The following PSD3 variants were observed in gnomAD, a reference collection of about 807,000 sequenced individuals.
PSD3 encodes the protein pleckstrin and Sec7 domain containing 3.
PSD3 carries 49 observed loss-of-function variants against 105.5 expected under a neutral mutation model. The observed-to-expected ratio is 0.46, with a 90% CI of 0.37 to 0.59. The LOEUF (loss-of-function observed/expected upper bound fraction) is 0.59. Ranked by LOEUF, PSD3 falls within the 20% of genes least tolerant of loss-of-function variation. PSD3 has a pLI of 0.00. For missense variants in PSD3, 1,561 were observed against 1,263.8 expected (o/e 1.24, Z -3.57); for synonymous variants, 557 against 457.8 (o/e 1.22, Z -2.77).
chr8:18,802,816 G>A lies in PSD3; in HGVS notation c.1911-1434C>T, dbSNP rs536484517. On this transcript the variant is annotated intron_variant, in intron 6 of 15. Coordinates refer to ENST00000327040, the MANE Select transcript of PSD3 (RefSeq NM_015310.4). Reference sequence around the variant, plus strand: ...ACTAGGTTTTACCTTCAGCTACTTAGAAACTTGTAATACAATATAATGTAA... The same window carrying A: ...ACTAGGTTTTACCTTCAGCTACTTAAAAACTTGTAATACAATATAATGTAA... 6.6e-5 allele frequency among the ~76,000 whole-genome samples: 10 copies of A among 152,278 alleles called. No homozygotes were observed. In the South Asian group the frequency reaches 1.7e-3, roughly 25 times the overall value.
At chr8:19,026,576 T>C (rs908095537) in intron 1 of PSD3, among the ~76,000 whole-genome samples, 4 of 151,640 alleles carry the variant, frequency 2.6e-5, no homozygotes, top group Non-Finnish European at 1.5e-5. Context: ...AAATATTCAC[T>C]AAAGGAGACC....
At chr8:18,916,270 G>A (rs1274058795) in intron 2 of PSD3, among the ~76,000 whole-genome samples, 1 of 121,646 alleles carries the variant, frequency 8.2e-6, no homozygotes, top group Non-Finnish European at 1.7e-5. Flanking sequence ...CAGTGTCTAT[G>A]GATTGCTGAA....
chr8:18,818,814 G>C (rs961653821), intron 4 of PSD3, among the ~76,000 whole-genome samples: 1 of 152,074 alleles, frequency 6.6e-6, no homozygotes, highest in East Asian at 1.9e-4. Context: ...TCTTATATTA[G>C]TGACAGTCAG....
chr8:18,952,090 T>G (rs1023599365), intron 1 of PSD3, among the ~76,000 whole-genome samples: 1 of 152,124 alleles, frequency 6.6e-6, no homozygotes, highest in East Asian at 1.9e-4. Flanking sequence ...TAAAGAATAA[T>G]GGGTGGATGC....
chr8:18,691,872 C>T (rs575633060), intron 9 of PSD3, among the ~76,000 whole-genome samples: 2 of 152,266 alleles, frequency 1.3e-5, no homozygotes, highest in Admixed American at 1.3e-4. Flanking sequence ...GTACATGACC[C>T]TAGGTGCATT....
chr8:19,003,562 G>T (rs1826510617), intron 1 of PSD3, among the ~76,000 whole-genome samples: 1 of 151,924 alleles, frequency 6.6e-6, no homozygotes, highest in Non-Finnish European at 1.5e-5. Flanking sequence ...GTTTCATGGA[G>T]ATCTGTGTGA....
chr8:18,714,381 G>A (rs1157740697), intron 9 of PSD3, among the ~76,000 whole-genome samples: 8 of 149,060 alleles, frequency 5.4e-5, no homozygotes, highest in Non-Finnish European at 8.9e-5. Context: ...ACATCCGTTT[G>A]ACAAAGGTCT....
chr8:18,612,057 T>A (rs1472704294), intron 11 of PSD3, among the ~76,000 whole-genome samples: 1 of 152,152 alleles, frequency 6.6e-6, no homozygotes, highest in Non-Finnish European at 1.5e-5. Context: ...GATAACAAGC[T>A]GTAAAGAAGA....
intron 1 of PSD3, among the ~76,000 whole-genome samples, chr8:18,955,931 C>G (rs945615833): frequency 6.6e-6 from 1 of 151,940 alleles, no homozygotes; most frequent in African/African-American, 2.4e-5. Flanking sequence ...ACTGCCTCGG[C>G]TAATTTTTGT....
chr8:19,074,389 T>C (rs1403909444), intron 1 of PSD3, among the ~76,000 whole-genome samples: 2 of 152,028 alleles, frequency 1.3e-5, no homozygotes, highest in African/African-American at 2.4e-5. Context: ...AACTCTGTGA[T>C]GTACAGACAC....
At chr8:18,669,547 A>C (rs1340832711) in intron 9 of PSD3, among the ~76,000 whole-genome samples, 1 of 152,260 alleles carries the variant, frequency 6.6e-6, no homozygotes, top group Admixed American at 6.5e-5. Context: ...CTTAGCTAGT[A>C]AGTGACTGAG....
intron 9 of PSD3, among the ~76,000 whole-genome samples, chr8:18,665,266 G>T (rs73589474): frequency 0.044 from 6,739 of 152,288 alleles, 213 homozygotes; most frequent in Admixed American, 0.11. Context: ...ATTCATGGGA[G>T]GTCAAAATAT....
At chr8:18,689,704 T>C (rs1006243957) in intron 9 of PSD3, among the ~76,000 whole-genome samples, 2 of 152,168 alleles carry the variant, frequency 1.3e-5, no homozygotes, top group African/African-American at 4.8e-5. Flanking sequence ...GATTTGGGAG[T>C]GACAGGGCAG....
At chr8:18,648,460 C>A (rs1808223001) in intron 10 of PSD3, among the ~76,000 whole-genome samples, 1 of 152,176 alleles carries the variant, frequency 6.6e-6, no homozygotes, top group Non-Finnish European at 1.5e-5. Context: ...GGGTATCTGG[C>A]AGAAGAAATT....
chr8:18,574,166 A>G (rs1802334894), intron 13 of PSD3, among the ~76,000 whole-genome samples: 1 of 152,166 alleles, frequency 6.6e-6, no homozygotes, highest in Non-Finnish European at 1.5e-5. Context: ...AGTAAAAAAA[A>G]AGTCAGCCAA....
chr8:18,543,458 A>G (rs1419291091), intron 15 of PSD3, among the ~76,000 whole-genome samples: 1 of 152,124 alleles, frequency 6.6e-6, no homozygotes, highest in Admixed American at 6.5e-5. Context: ...ACTAACAAAA[A>G]TACAAAAAAA....
At chr8:18,978,265 G>C (rs553266963) in intron 1 of PSD3, among the ~76,000 whole-genome samples, 1 of 152,326 alleles carries the variant, frequency 6.6e-6, no homozygotes, top group African/African-American at 2.4e-5. Flanking sequence ...TTTCACAGCA[G>C]CAAATCCATA....
At chr8:18,863,340 A>C (rs1266539173) in intron 4 of PSD3, among the ~76,000 whole-genome samples, 3 of 152,132 alleles carry the variant, frequency 2.0e-5, no homozygotes, top group African/African-American at 7.2e-5. Context: ...TATAATTGTA[A>C]GTCTCTAATT....
intron 4 of PSD3, among the ~76,000 whole-genome samples, chr8:18,821,872 C>CACACACACACACA (rs10625767): frequency 3.5e-4 from 48 of 137,494 alleles, no homozygotes; most frequent in African/African-American, 1.3e-3. Context: ...TGCACACACA[C>CACACACACACACA]CACACACACA....
Sources: gnomAD v4.1 joint callset for allele counts (sites outside exome capture counted in the v4.1 genomes callset) on GRCh38, gnomAD v4.1.1 for gene constraint, MANE v1.5 for transcripts, NCBI Gene and HGNC (gene_info 2026-07-23, HGNC 2026-07-21) for gene names.